Variants in JARID2 observed in about 807,000 individuals in gnomAD.
The protein encoded by JARID2 is jumonji and AT-rich interaction domain containing 2, also known as protein Jumonji.
A neutral mutation model predicts 125.6 loss-of-function variants in JARID2; 21 were observed. The observed-to-expected ratio is 0.17, with a 90% CI of 0.12 to 0.24. JARID2 has a LOEUF of 0.24. Ranked by LOEUF, JARID2 falls within the 10% of genes least tolerant of loss-of-function variation. JARID2 has a pLI of 1.00. For synonymous variants in JARID2, 736 were observed against 661.6 expected, an observed-to-expected ratio of 1.11 and a Z score of -1.73; for missense variants, 1,303 against 1,639.6, an observed-to-expected ratio of 0.79 and a Z score of 3.55.
chr6:15,278,429 AC>A (rs1437317260), intron 1 of JARID2, among the ~76,000 whole-genome samples: 3 of 151,852 alleles, frequency 2.0e-5, no homozygotes, highest in Non-Finnish European at 2.9e-5. Flanking sequence ...TACTAAAAAT[AC>A]AAAAAATTAG....
At chr6:15,519,193 A>G (rs1771709111) in intron 17 of JARID2, among the ~76,000 whole-genome samples, 1 of 152,224 alleles carries the variant, frequency 6.6e-6, no homozygotes, top group South Asian at 2.1e-4. Context: ...TCCTTATGGT[A>G]AGGTAGCAGT....
In JARID2 at chr6:15,259,250, C is replaced by T. The variant is rs549870087; in HGVS notation, c.45+12666C>T. Among the ~76,000 whole-genome samples, 3 of 152,346 alleles carry T rather than the reference C, an allele frequency of 2.0e-5. No homozygotes were observed. In the South Asian group the frequency reaches 6.2e-4, roughly 32 times the overall value. On this transcript the variant is annotated intron_variant, in intron 1 of 17. Transcript: ENST00000341776. ...AGGTGGAACCTAACACTTGGTTTTA[C>T]CTAAATTGCCTCCTTTTCCATTCTT...
intron 2 of JARID2, among the ~76,000 whole-genome samples, chr6:15,407,596 T>C (rs16876316): frequency 0.031 from 4,723 of 152,272 alleles, 242 homozygotes; most frequent in African/African-American, 0.11. Context: ...CTAGTCCTTA[T>C]TTAGTTCGTT....
At chr6:15,306,873 A>G (rs1761846136) in intron 1 of JARID2, among the ~76,000 whole-genome samples, 1 of 148,676 alleles carries the variant, frequency 6.7e-6, no homozygotes, top group Non-Finnish European at 1.5e-5. Context: ...TGAAGTTAAT[A>G]TATATATTTT....
chr6:15,487,547 A>C lies in JARID2; in HGVS notation c.906+5A>C. On this transcript the variant is annotated splice_donor_5th_base_variant and intron_variant, in intron 6 of 17. Coordinates refer to ENST00000341776, the MANE Select transcript of JARID2 (RefSeq NM_004973.4). The stretch of plus-strand genomic sequence containing the variant: ...GCTCAGGACTTACGGAAACAGGTAA[A>C]GTCCAGCAGGGGTGCCTACATGTGT... 6.3e-7 allele frequency: 1 copy of C among 1,594,306 alleles called. No individual in the cohort carries two copies. The highest frequency in any genetic ancestry group is 8.6e-7 in the Non-Finnish European group (1 of 1,166,860).
intron 3 of JARID2, among the ~76,000 whole-genome samples, chr6:15,450,114 C>A (rs1339027812): frequency 1.3e-5 from 2 of 152,056 alleles, no homozygotes; most frequent in African/African-American, 4.8e-5. Flanking sequence ...ATAATCCACT[C>A]CCAACCATGT....
chr6:15,363,366 T>TG (rs1763866244), intron 1 of JARID2, among the ~76,000 whole-genome samples: 1 of 152,230 alleles, frequency 6.6e-6, no homozygotes, highest in South Asian at 2.1e-4. Context: ...TCACAAGCCC[T>TG]GGGAGTGTTC....
At chr6:15,491,497 C>A (rs1013611268) in intron 6 of JARID2, among the ~76,000 whole-genome samples, 2 of 152,238 alleles carry the variant, frequency 1.3e-5, no homozygotes, top group African/African-American at 4.8e-5. Flanking sequence ...TACCCCCAGC[C>A]ACCAACTGTT....
rs200659485 is a variant in JARID2, at chr6:15,442,110, G to GAA, written c.324-9885_324-9884dup. Among the ~76,000 whole-genome samples, 1,059 of 139,612 alleles carry GAA rather than the reference G, an allele frequency of 7.6e-3. 14 individuals carry two copies. Among genetic ancestry groups the GAA allele is most frequent in the African/African-American group, 0.026 (1,006 of 38,124 alleles). The allele number at this position is 139,612 out of a possible 152,430, so 91.6% of individuals were successfully genotyped here. The stretch of plus-strand genomic sequence containing the variant: ...TCTTCTTATATTTCTCTTGCATTTT[G>GAA]AAAAAAAAAAAAGGAAGTAAAACAG... On this transcript the variant is annotated intron_variant, in intron 3 of 17. Coordinates refer to ENST00000341776, the MANE Select transcript of JARID2 (RefSeq NM_004973.4).
In JARID2 at chr6:15,309,395, C is replaced by T. The variant is rs568418579; in HGVS notation, c.45+62811C>T. On this transcript the variant is annotated intron_variant, in intron 1 of 17. Transcript: ENST00000341776. ...TTTTGCATCCATTTCACTCAGCCAC[C>T]CTGCTTCTAGGAATTTGGCCACAAG... Among the ~76,000 whole-genome samples, 6 of 151,960 alleles carry T rather than the reference C, an allele frequency of 3.9e-5. No individual in the cohort carries two copies. In the South Asian group the frequency reaches 8.3e-4, roughly 21 times the overall value.
At chr6:15,274,076 C>T (rs983903795) in intron 1 of JARID2, among the ~76,000 whole-genome samples, 6 of 152,108 alleles carry the variant, frequency 3.9e-5, no homozygotes, top group African/African-American at 1.2e-4. Context: ...CTATAGGCGC[C>T]CGCCACCACG....
At chr6:15,440,921 C>G (rs190262622) in intron 3 of JARID2, among the ~76,000 whole-genome samples, 1 of 152,206 alleles carries the variant, frequency 6.6e-6, no homozygotes, top group Non-Finnish European at 1.5e-5. Context: ...CCTTTTCTTA[C>G]AGAGCAGACT....
intron 3 of JARID2, among the ~76,000 whole-genome samples, chr6:15,424,692 CA>C (rs1411759734): frequency 6.6e-6 from 1 of 152,082 alleles, no homozygotes; most frequent in Non-Finnish European, 1.5e-5. Flanking sequence ...CCCCTGCCTC[CA>C]CTAAAAAAAT....
At chr6:15,257,569 TG>T (rs1759712058) in intron 1 of JARID2, among the ~76,000 whole-genome samples, 1 of 152,204 alleles carries the variant, frequency 6.6e-6, no homozygotes, top group Admixed American at 6.5e-5. Flanking sequence ...TTGTACAAAA[TG>T]ATGCATGCAG....
intron 1 of JARID2, among the ~76,000 whole-genome samples, chr6:15,268,877 A>G (rs778025086): frequency 1.2e-4 from 19 of 152,198 alleles, no homozygotes; most frequent in Admixed American, 7.2e-4. Context: ...GATTTTTCAG[A>G]AGTGGAAGCC....
chr6:15,283,440 A>C (rs1163529262), intron 1 of JARID2, among the ~76,000 whole-genome samples: 1 of 135,384 alleles, frequency 7.4e-6, no homozygotes, highest in Non-Finnish European at 1.6e-5. Context: ...TCCTGGGTTC[A>C]TGCCATTCTC....
At chr6:15,418,458 C>A (rs1002997166) in intron 3 of JARID2, among the ~76,000 whole-genome samples, 2 of 152,150 alleles carry the variant, frequency 1.3e-5, no homozygotes, top group Non-Finnish European at 2.9e-5. Context: ...TCGTGATCGC[C>A]CGCCTCGTCC....
At chr6:15,491,159 A>T (rs7774429) in intron 6 of JARID2, among the ~76,000 whole-genome samples, 36,724 of 152,186 alleles carry the variant, frequency 0.24, 4,545 homozygotes, top group Middle Eastern at 0.36. Flanking sequence ...ATTAGTTTTT[A>T]AAAAAGTTAA....
chr6:15,306,553 G>A (rs184404195), intron 1 of JARID2, among the ~76,000 whole-genome samples: 256 of 151,774 alleles, frequency 1.7e-3, no homozygotes, highest in Middle Eastern at 3.4e-3. Context: ...GGCCAGGATG[G>A]TCTTGAACTC....
Sources: gnomAD v4.1 joint callset for allele counts (sites outside exome capture counted in the v4.1 genomes callset) on GRCh38, gnomAD v4.1.1 for gene constraint, MANE v1.5 for transcripts, NCBI Gene and HGNC (gene_info 2026-07-23, HGNC 2026-07-21) for gene names.